The following BCAS3 variants were observed in gnomAD, a reference collection of about 807,000 sequenced individuals.
The protein encoded by BCAS3 is BCAS3 microtubule associated cell migration factor, also known as BCAS4/BCAS3 fusion.
Under a neutral mutation model 116.1 loss-of-function variants are expected in BCAS3, and 53 were observed. The ratio of observed to expected loss-of-function variants is 0.46; its 90% CI spans 0.37 to 0.57. BCAS3 has a LOEUF of 0.57. BCAS3 is among the 20% of genes least tolerant of loss of function. BCAS3 has a pLI of 0.00. For synonymous variants in BCAS3, 391 were observed against 408.2 expected, an observed-to-expected ratio of 0.96 and a Z score of 0.51; for missense variants, 917 against 1,165.4, an observed-to-expected ratio of 0.79 and a Z score of 3.10.
rs16944565 is a variant in BCAS3 at position 60,685,818 on chromosome 17, A to C, written c.138+1782A>C. Among the ~76,000 whole-genome samples, 354 of 152,108 alleles carry C rather than the reference A, an allele frequency of 2.3e-3. 1 individual carries two copies. Among genetic ancestry groups the C allele is most frequent in the African/African-American group, 8.0e-3 (333 of 41,488 alleles). ...GTGAGACGTCGTCATTTTAGCACCT[A>C]CTGACCATAGGTTGCTTAGGAAAGC... On this transcript the variant is annotated intron_variant, in intron 3 of 23. Transcript: ENST00000407086.
intron 7 of BCAS3, among the ~76,000 whole-genome samples, chr17:60,829,472 C>T (rs1239203216): frequency 2.9e-5 from 4 of 136,436 alleles, no homozygotes; most frequent in African/African-American, 1.2e-4. Context: ...CCAGCGTGGA[C>T]AATAGAGCAA....
At chr17:60,788,403 G>C (rs1281689070) in intron 6 of BCAS3, among the ~76,000 whole-genome samples, 1 of 152,156 alleles carries the variant, frequency 6.6e-6, no homozygotes, top group African/African-American at 2.4e-5. Flanking sequence ...AAAGAGCACA[G>C]GGAGCTGATT....
At chr17:61,081,177 AAC>A (rs1342419576) in intron 21 of BCAS3, among the ~76,000 whole-genome samples, 4 of 152,188 alleles carry the variant, frequency 2.6e-5, no homozygotes, top group African/African-American at 9.7e-5. Context: ...ACAACTATAT[AAC>A]ACATTTAGTT....
rs1345653358 is a variant in BCAS3 at position 61,110,649 on chromosome 17, G to A, written c.2425+26085G>A. On this transcript the variant is annotated intron_variant, in intron 22 of 23. Transcript: ENST00000407086. ...GCAGTCTGAGATCAAACTGCAAGGCGGCAGCGAGGCTGGGGGAGGGGCGCC... is the reference window on the plus strand; with the variant it reads ...GCAGTCTGAGATCAAACTGCAAGGCAGCAGCGAGGCTGGGGGAGGGGCGCC... Among the ~76,000 whole-genome samples, 81 of 152,154 alleles carry A rather than the reference G, an allele frequency of 5.3e-4. No homozygotes were observed. In the East Asian group the frequency reaches 0.01, roughly 20 times the overall value.
Position 61,089,492 on chromosome 17 carries a change from C to CGAGACGG in BCAS3, c.2425+4929_2425+4935dup, listed in dbSNP as rs1568329070. Among the ~76,000 whole-genome samples the CGAGACGG allele has an allele frequency of 6.8e-4, 36 of 52,920 alleles. 1 individual carries two copies. In the South Asian group the frequency reaches 0.021, roughly 31 times the overall value. 34.7% of individuals were successfully genotyped at this position (52,920 alleles called of 152,430 possible). On this transcript the variant is annotated intron_variant, in intron 22 of 23. Transcript: ENST00000407086. ...AGAGTATTCTTTTTTTTTTTTTCTTCGAGACGGAGTTTCACTCTTTTTTTT... is the reference window on the plus strand; with the variant it reads ...AGAGTATTCTTTTTTTTTTTTTCTTCGAGACGGGAGACGGAGTTTCACTCTTTTTTTT...
intron 22 of BCAS3, among the ~76,000 whole-genome samples, chr17:61,230,331 G>A (rs2082601877): frequency 6.6e-6 from 1 of 152,062 alleles, no homozygotes; most frequent in South Asian, 2.1e-4. Flanking sequence ...CATTGATGGA[G>A]GTTATAAATT....
At chr17:60,761,296 T>A (rs2043503046) in intron 6 of BCAS3, among the ~76,000 whole-genome samples, 1 of 152,110 alleles carries the variant, frequency 6.6e-6, no homozygotes, top group Admixed American at 6.5e-5. Context: ...ATGTGCCGTG[T>A]TGGTTTGCTG....
chr17:61,006,149 AG>A (rs1254750873), intron 15 of BCAS3, among the ~76,000 whole-genome samples: 1 of 152,088 alleles, frequency 6.6e-6, no homozygotes, highest in Non-Finnish European at 1.5e-5. Context: ...ATGGCTGCAT[AG>A]TATTCCATGG....
At chr17:61,386,999 C>A (rs144846801) in intron 23 of BCAS3, among the ~76,000 whole-genome samples, 23 of 152,280 alleles carry the variant, frequency 1.5e-4, no homozygotes, top group African/African-American at 5.5e-4. Context: ...GTCTTGAACT[C>A]TTGGCTTCAA....
At chr17:61,350,932 C>G (rs1405052341) in intron 22 of BCAS3, among the ~76,000 whole-genome samples, 1 of 152,112 alleles carries the variant, frequency 6.6e-6, no homozygotes, top group Non-Finnish European at 1.5e-5. Context: ...CCATGCCCAG[C>G]CTTCAATCTT....
chr17:61,053,817 G>C (rs2069109451), intron 19 of BCAS3, among the ~76,000 whole-genome samples: 3 of 152,124 alleles, frequency 2.0e-5, no homozygotes, highest in Admixed American at 2.0e-4. Context: ...GCTCTCTCCA[G>C]GTCTGAAAAT....
chr17:60,988,360 T>TTTTTTTTTTTTTTTTTTTTTTG (rs1555651709), intron 14 of BCAS3, among the ~76,000 whole-genome samples: 8 of 134,816 alleles, frequency 5.9e-5, no homozygotes, highest in African/African-American at 2.5e-4. Flanking sequence ...TTTTTTTTTT[T>TTTTTTTTTTTTTTTTTTTTTTG]ATGTATGTGT....
rs992427795 is a variant in BCAS3, at chr17:61,006,062, C to T, written c.1487-9689C>T. On this transcript the variant is annotated intron_variant, in intron 15 of 23. Coordinates refer to ENST00000407086, the MANE Select transcript of BCAS3 (RefSeq NM_017679.5). Reference sequence around the variant, plus strand: ...AATATGCGGTGTTTGGTTTTTTGTTCTTGCGATAGTTTACTGAGAATGATG... The same window carrying T: ...AATATGCGGTGTTTGGTTTTTTGTTTTTGCGATAGTTTACTGAGAATGATG... 9.9e-5 allele frequency among the ~76,000 whole-genome samples: 15 copies of T among 151,860 alleles called. No homozygotes were observed. In the East Asian group the frequency reaches 2.7e-3, roughly 28 times the overall value.
chr17:61,177,828 A>T (rs1568515190), intron 22 of BCAS3, among the ~76,000 whole-genome samples: 1 of 152,172 alleles, frequency 6.6e-6, no homozygotes, highest in Non-Finnish European at 1.5e-5. Flanking sequence ...TTTTAAGTGG[A>T]AGTTACATAG....
At position 61,324,937 on chromosome 17, in the gene BCAS3, T is replaced by G. The variant is rs761535348; in HGVS notation, c.2426-43390T>G. On this transcript the variant is annotated intron_variant, in intron 22 of 23. Transcript: ENST00000407086. This position sits in a 1 kb window ranked among gnomAD's most constrained non-coding sequence, Gnocchi z 4.6. Reference sequence around the variant, plus strand: ...ACTTCTAAGAGTTTTAGAAGAAAAGTTTGAGCTGCTAGAGGAGAAAGAGGA... The same window carrying G: ...ACTTCTAAGAGTTTTAGAAGAAAAGGTTGAGCTGCTAGAGGAGAAAGAGGA... Among the ~76,000 whole-genome samples the G allele has an allele frequency of 6.6e-6, 1 of 152,066 alleles. No homozygotes were observed. The highest frequency in any genetic ancestry group is 1.5e-5 in the Non-Finnish European group (1 of 68,034).
intron 14 of BCAS3, among the ~76,000 whole-genome samples, chr17:60,988,289 AGTCTTGTCTG>A (rs1479631428): frequency 7.2e-6 from 1 of 138,004 alleles, no homozygotes; most frequent in African/African-American, 2.6e-5. Flanking sequence ...AGTCTAGTCT[AGTCTTGTCTG>A]GTCTTGTCTT....
At chr17:61,174,028 G>T (rs974588964) in intron 22 of BCAS3, among the ~76,000 whole-genome samples, 1 of 149,306 alleles carries the variant, frequency 6.7e-6, no homozygotes, top group African/African-American at 2.4e-5. Flanking sequence ...AATCAAGAAA[G>T]TCAGTTCCTC....
chr17:60,831,584 C>G (rs1202398643), intron 7 of BCAS3, among the ~76,000 whole-genome samples: 4 of 151,994 alleles, frequency 2.6e-5, no homozygotes, highest in African/African-American at 9.7e-5. Context: ...TCTTGTTTAC[C>G]AAACACAGTA....
intron 10 of BCAS3, among the ~76,000 whole-genome samples, chr17:60,892,458 C>T (rs553072213): frequency 6.6e-5 from 10 of 151,914 alleles, no homozygotes; most frequent in African/African-American, 2.2e-4. Context: ...TACAGACATG[C>T]GCCACCATGC....
Sources: allele counts gnomAD v4.1 joint callset (sites outside exome capture counted in the v4.1 genomes callset), GRCh38; gene constraint gnomAD v4.1.1; non-coding constraint Gnocchi (gnomAD v3.1); transcripts MANE v1.5; gene names NCBI Gene and HGNC (gene_info 2026-07-23, HGNC 2026-07-21).